The following LDLRAD3 variants were observed in gnomAD, a reference collection of about 807,000 sequenced individuals.
The protein encoded by LDLRAD3 is low-density lipoprotein receptor class A domain-containing protein 3.
A neutral mutation model predicts 29.4 loss-of-function variants in LDLRAD3; 20 were observed. The observed-to-expected ratio is 0.68, with a 90% CI of 0.48 to 0.99. LDLRAD3 has a LOEUF of 0.99. LDLRAD3 is among the 50% of genes least tolerant of loss of function. The probability of loss-of-function intolerance (pLI) is 0.00; values close to 1 mark genes in which losing one functional copy is unlikely to be tolerated. For missense variants in LDLRAD3, 420 were observed against 454.3 expected (o/e 0.92, Z 0.69); for synonymous variants, 157 against 192.7 (o/e 0.81, Z 1.53).
At chr11:36,102,837 C>T (rs151214746) in intron 4 of LDLRAD3, among the ~76,000 whole-genome samples, 123 of 152,180 alleles carry the variant, frequency 8.1e-4, no homozygotes, top group Middle Eastern at 6.8e-3. Context: ...TGGGGGTCGG[C>T]GGCACTCAGG....
At chr11:35,954,727 G>A (rs768106384) in intron 1 of LDLRAD3, among the ~76,000 whole-genome samples, 1 of 152,098 alleles carries the variant, frequency 6.6e-6, no homozygotes, top group Non-Finnish European at 1.5e-5. Context: ...GATATCCCTT[G>A]GCTTAAAAAG....
chr11:36,114,066 G>C (rs1471917283), intron 4 of LDLRAD3, among the ~76,000 whole-genome samples: 2 of 152,210 alleles, frequency 1.3e-5, no homozygotes, highest in African/African-American at 4.8e-5. Context: ...ACTGGGGATT[G>C]ATTAGCCACA....
At chr11:36,112,861 C>T (rs760727461) in intron 4 of LDLRAD3, among the ~76,000 whole-genome samples, 10 of 152,210 alleles carry the variant, frequency 6.6e-5, no homozygotes, top group Non-Finnish European at 1.2e-4. Flanking sequence ...CCCAAATCCC[C>T]AGGAAGCCCA....
chr11:36,157,492 A>G (rs1357955216), intron 4 of LDLRAD3, among the ~76,000 whole-genome samples: 2 of 152,224 alleles, frequency 1.3e-5, no homozygotes, highest in East Asian at 1.9e-4. Context: ...TAAAGTCCCA[A>G]ATGAACCATG....
At chr11:36,080,203 A>T (rs565100339) in intron 2 of LDLRAD3, among the ~76,000 whole-genome samples, 3 of 152,302 alleles carry the variant, frequency 2.0e-5, no homozygotes, top group Admixed American at 2.0e-4. Context: ...GACAAGAGGG[A>T]TGCTACATAG....
At chr11:35,982,736 C>T (rs1851557491) in intron 1 of LDLRAD3, among the ~76,000 whole-genome samples, 2 of 152,010 alleles carry the variant, frequency 1.3e-5, no homozygotes, top group Non-Finnish European at 2.9e-5. Context: ...CAGCTCAGCT[C>T]TCTCTAAGGT....
rs59122733 is a variant in LDLRAD3 at position 36,029,244 on chromosome 11, A to AAAAC, written c.47-6835_47-6832dup. Among the ~76,000 whole-genome samples, 1,268 of 151,126 alleles carry AAAAC rather than the reference A, an allele frequency of 8.4e-3. 12 individuals carry two copies. Among genetic ancestry groups the AAAAC allele is most frequent in the African/African-American group, 0.029 (1,198 of 41,196 alleles). ...TGGCAACAGAGTAAGACTCCATCTC[A>AAAAC]AAACAAACAAACAAACAAACAAACA... On this transcript the variant is annotated intron_variant, in intron 1 of 5. Coordinates refer to ENST00000315571, the MANE Select transcript of LDLRAD3 (RefSeq NM_174902.4).
At chr11:36,182,799 C>A (rs1854783985) in intron 4 of LDLRAD3, among the ~76,000 whole-genome samples, 1 of 152,212 alleles carries the variant, frequency 6.6e-6, no homozygotes. Flanking sequence ...CATCCCCCTT[C>A]ATCTATTGTC....
intron 4 of LDLRAD3, chr11:36,197,208 G>A (rs10836517): frequency 0.49 from 74,858 of 152,006 alleles, 18,635 homozygotes; most frequent in Middle Eastern, 0.6. Flanking sequence ...TTTTCAGAAC[G>A]ACCTCTTTCA....
chr11:35,950,547 AC>A (rs1225065419), intron 1 of LDLRAD3, among the ~76,000 whole-genome samples: 1 of 151,968 alleles, frequency 6.6e-6, no homozygotes, highest in Non-Finnish European at 1.5e-5. Context: ...GTCTGTGTAT[AC>A]CCTGGTTATA....
chr11:36,168,033 C>T (rs184459039), intron 4 of LDLRAD3, among the ~76,000 whole-genome samples: 208 of 152,208 alleles, frequency 1.4e-3, no homozygotes, highest in Non-Finnish European at 2.0e-3. Context: ...GGTCTGAAAA[C>T]GCTCATCGAT....
intron 1 of LDLRAD3, among the ~76,000 whole-genome samples, chr11:35,997,020 G>A (rs1173897003): frequency 1.3e-5 from 2 of 152,132 alleles, no homozygotes; most frequent in African/African-American, 4.8e-5. Flanking sequence ...GGACAGTGAT[G>A]TCCTTGCCTC....
At chr11:35,966,494 A>C (rs1444682684) in intron 1 of LDLRAD3, among the ~76,000 whole-genome samples, 4 of 152,232 alleles carry the variant, frequency 2.6e-5, no homozygotes, top group African/African-American at 9.6e-5. Context: ...ATTTGGATAA[A>C]GTATGATGAA....
At chr11:36,122,031 A>G (rs1013597923) in intron 4 of LDLRAD3, among the ~76,000 whole-genome samples, 2 of 152,152 alleles carry the variant, frequency 1.3e-5, no homozygotes, top group African/African-American at 4.8e-5. Context: ...AAGGGAGACA[A>G]TGGGATAGGC....
chr11:35,948,420 T>TAA (rs923864415), intron 1 of LDLRAD3, among the ~76,000 whole-genome samples: 3 of 150,098 alleles, frequency 2.0e-5, no homozygotes, highest in Non-Finnish European at 4.4e-5. Flanking sequence ...ACCAGGGAGA[T>TAA]TTTTAAGTTG....
At position 36,036,122 on chromosome 11, in the gene LDLRAD3, G is replaced by C; in HGVS notation, c.66G>C (p.Gly22=). ...SSAAESQLLP[G]NNFTNECNIP... Reference sequence around the variant, plus strand: ...TGACAGAGAGCCAGCTGCTCCCCGGGAACAACTTCACCAATGAGTGCAACA... The same window carrying C: ...TGACAGAGAGCCAGCTGCTCCCCGGCAACAACTTCACCAATGAGTGCAACA... Residue 22 remains glycine, a synonymous_variant, in exon 2 of 6, where the codon GGG becomes GGC. Transcript: ENST00000315571. The C allele has an allele frequency of 6.2e-7, 1 of 1,613,874 alleles. No individual in the cohort carries two copies. Among genetic ancestry groups the C allele is most frequent in the South Asian group, 1.1e-5 (1 of 91,046 alleles).
chr11:36,185,744 T>C (rs1854839265), intron 4 of LDLRAD3, among the ~76,000 whole-genome samples: 1 of 152,170 alleles, frequency 6.6e-6, no homozygotes, highest in South Asian at 2.1e-4. Context: ...AAGTCACCCT[T>C]GAAAACACAC....
At chr11:35,982,807 C>T (rs1851558663) in intron 1 of LDLRAD3, among the ~76,000 whole-genome samples, 1 of 147,262 alleles carries the variant, frequency 6.8e-6, no homozygotes, top group African/African-American at 2.5e-5. Flanking sequence ...AAGGCCACTG[C>T]TTGTGACATT....
chr11:36,040,365 G>C (rs1200003228), intron 2 of LDLRAD3, among the ~76,000 whole-genome samples: 1 of 151,880 alleles, frequency 6.6e-6, no homozygotes, highest in Non-Finnish European at 1.5e-5. Context: ...AGAGAAGGAG[G>C]AAAAGCATCT....
Sources: allele counts gnomAD v4.1 joint callset (sites outside exome capture counted in the v4.1 genomes callset), GRCh38; gene constraint gnomAD v4.1.1; transcripts MANE v1.5; gene names NCBI Gene and HGNC (gene_info 2026-07-23, HGNC 2026-07-21).